The following ASTN2 variants were observed in gnomAD, a reference collection of about 807,000 sequenced individuals.
ASTN2 encodes the protein astrotactin 2.
In ASTN2, 54 loss-of-function variants were observed where a neutral mutation model predicts 139.8. The observed-to-expected ratio is 0.39, with a 90% CI of 0.31 to 0.48. The LOEUF is 0.48. Among genes scored for constraint, ASTN2 ranks in the 20% least tolerant of loss-of-function variants. The probability of loss-of-function intolerance (pLI) is 0.95; values close to 1 mark genes in which losing one functional copy is unlikely to be tolerated. For missense variants in ASTN2, 1,565 were observed against 1,725.1 expected (o/e 0.91, Z 1.64); for synonymous variants, 756 against 719.5 (o/e 1.05, Z -0.81).
chr9:117,067,692 G>A (rs1417465450), intron 5 of ASTN2, among the ~76,000 whole-genome samples: 2 of 125,986 alleles, frequency 1.6e-5, no homozygotes, highest in African/African-American at 5.8e-5. Flanking sequence ...TTGAGCAGTG[G>A]TTTGTAGTTC....
intron 16 of ASTN2, chr9:116,700,244 A>G (rs1861105166): frequency 1.1e-5 from 2 of 176,694 alleles, no homozygotes. Context: ...CTTTACCAGT[A>G]TGAAAGTCAT....
chr9:117,011,385 C>T (rs1837530629), intron 6 of ASTN2, among the ~76,000 whole-genome samples: 1 of 152,146 alleles, frequency 6.6e-6, no homozygotes, highest in South Asian at 2.1e-4. Flanking sequence ...AGAGAGTTCC[C>T]TCACTCCTTC....
chr9:116,943,525 T>A, intron 10 of ASTN2, among the ~76,000 whole-genome samples: 1 of 152,146 alleles, frequency 6.6e-6, no homozygotes, highest in Non-Finnish European at 1.5e-5. Flanking sequence ...AATGTACATT[T>A]AAAATGGGTG....
At chr9:116,725,686 A>C (rs1368972514) in intron 16 of ASTN2, 85 bp downstream of exon 16, 1 of 1,406,062 alleles carries the variant, frequency 7.1e-7, no homozygotes, top group African/African-American at 1.4e-5. Flanking sequence ...CAGGATTTAG[A>C]TCCAAGGCAG....
intron 7 of ASTN2, among the ~76,000 whole-genome samples, chr9:116,996,314 T>C (rs1022233090): frequency 1.3e-5 from 2 of 152,184 alleles, no homozygotes; most frequent in East Asian, 3.8e-4. Flanking sequence ...CATATGTGTA[T>C]GTGTCTTAAT....
intron 17 of ASTN2, among the ~76,000 whole-genome samples, chr9:116,629,414 G>A (rs1278005157): frequency 1.3e-5 from 2 of 152,126 alleles, no homozygotes; most frequent in African/African-American, 4.8e-5. Flanking sequence ...ACCGCGCCCG[G>A]CCTGTTTCCA....
intron 13 of ASTN2, among the ~76,000 whole-genome samples, chr9:116,782,751 T>C (rs1401235786): frequency 1.3e-5 from 2 of 152,196 alleles, no homozygotes; most frequent in South Asian, 2.1e-4. Flanking sequence ...CCAGCTTTTA[T>C]AAGCTAACTG....
At chr9:117,200,188 G>A (rs561649803) in intron 3 of ASTN2, among the ~76,000 whole-genome samples, 4 of 151,222 alleles carry the variant, frequency 2.6e-5, no homozygotes, top group African/African-American at 4.9e-5. Flanking sequence ...CCATTAACTC[G>A]TCATTTAGCA....
chr9:117,403,288 T>A (rs1473134008), intron 1 of ASTN2, among the ~76,000 whole-genome samples: 1 of 152,132 alleles, frequency 6.6e-6, no homozygotes, highest in Non-Finnish European at 1.5e-5. Flanking sequence ...CTGCTGGCTG[T>A]AAAAGTCTTG....
intron 2 of ASTN2, among the ~76,000 whole-genome samples, chr9:117,226,501 A>G (rs912340459): frequency 1.6e-4 from 25 of 152,312 alleles, no homozygotes; most frequent in Admixed American, 5.2e-4. Flanking sequence ...CATATTGAGA[A>G]AGAAACCAGG....
At chr9:117,140,677 A>C (rs1245103406) in intron 4 of ASTN2, among the ~76,000 whole-genome samples, 1 of 147,980 alleles carries the variant, frequency 6.8e-6, no homozygotes. Flanking sequence ...AGAGAAGAGA[A>C]GGAGAAGGAG....
At chr9:116,863,980 T>C (rs1409982265) in intron 10 of ASTN2, among the ~76,000 whole-genome samples, 1 of 152,160 alleles carries the variant, frequency 6.6e-6, no homozygotes, top group Non-Finnish European at 1.5e-5. Context: ...TTATGATTCT[T>C]GGAGGTAGTC....
intron 7 of ASTN2, among the ~76,000 whole-genome samples, chr9:116,983,236 C>T (rs1836561315): frequency 1.3e-5 from 2 of 152,206 alleles, no homozygotes. Flanking sequence ...TGGGACTCTT[C>T]ACCTCTGTAG....
chr9:116,453,593 C>CAAAAAAAAAAAAAAAAAAAAAAAAA (rs386416019), intron 20 of ASTN2, among the ~76,000 whole-genome samples: 2 of 58,794 alleles, frequency 3.4e-5, no homozygotes, highest in East Asian at 1.4e-3. Context: ...GACTCCGTCT[C>CAAAAAAAAAAAAAAAAAAAAAAAAA]AAAAAAAAAA....
intron 20 of ASTN2, among the ~76,000 whole-genome samples, chr9:116,472,643 C>T (rs527414196): frequency 6.6e-6 from 1 of 152,170 alleles, no homozygotes; most frequent in South Asian, 2.1e-4. Context: ...GTAGCTCATA[C>T]CTGTAATCCC....
At chr9:116,493,527 G>C (rs1849581639) in intron 19 of ASTN2, among the ~76,000 whole-genome samples, 2 of 152,070 alleles carry the variant, frequency 1.3e-5, no homozygotes, top group Non-Finnish European at 2.9e-5. Flanking sequence ...TGTTAATCAT[G>C]ATTCTGCTGC....
At chr9:116,907,786 C>CGGG (rs547415070) in intron 10 of ASTN2, among the ~76,000 whole-genome samples, 5 of 152,046 alleles carry the variant, frequency 3.3e-5, no homozygotes, top group Admixed American at 1.3e-4. Context: ...TGACAGAAGG[C>CGGG]GGGAGGTAAG....
At chr9:116,793,784 T>C (rs1830616448) in intron 13 of ASTN2, among the ~76,000 whole-genome samples, 1 of 152,200 alleles carries the variant, frequency 6.6e-6, no homozygotes, top group African/African-American at 2.4e-5. Flanking sequence ...ATCTATATTT[T>C]AGCAGGCAAT....
At chr9:116,954,453 C>T (rs1835653456) in intron 10 of ASTN2, among the ~76,000 whole-genome samples, 1 of 152,170 alleles carries the variant, frequency 6.6e-6, no homozygotes, top group South Asian at 2.1e-4. Context: ...CCAAGGACCA[C>T]ACTTTGAGCA....
Sources: gnomAD v4.1 joint callset for allele counts (sites outside exome capture counted in the v4.1 genomes callset) on GRCh38, gnomAD v4.1.1 for gene constraint, MANE v1.5 for transcripts, NCBI Gene and HGNC (gene_info 2026-07-23, HGNC 2026-07-21) for gene names.